SHROOM3: variants seen among roughly 807,000 people sequenced by gnomAD.
SHROOM3 encodes the protein shroom family member 3.
A neutral mutation model predicts 138.6 loss-of-function variants in SHROOM3; 47 were observed. The observed-to-expected ratio is 0.34, with a 90% CI of 0.27 to 0.43. The LOEUF (loss-of-function observed/expected upper bound fraction) is 0.43. Among genes scored for constraint, SHROOM3 ranks in the 20% least tolerant of loss-of-function variants. The pLI, the probability that SHROOM3 is intolerant of heterozygous loss-of-function variation, is 1.00. For missense variants in SHROOM3, 2,491 were observed against 2,596.5 expected (o/e 0.96, Z 0.88); for synonymous variants, 1,062 against 1,063.3 (o/e 1.00, Z 0.02).
intron 2 of SHROOM3, among the ~76,000 whole-genome samples, chr4:76,703,403 G>C (rs944160342): frequency 1.3e-5 from 2 of 152,190 alleles, no homozygotes; most frequent in Non-Finnish European, 2.9e-5. Context: ...ACAGGAACAA[G>C]GGGGCCTTTT....
intron 1 of SHROOM3, among the ~76,000 whole-genome samples, chr4:76,442,835 CTTTT>C (rs1730723371): frequency 6.6e-6 from 1 of 151,856 alleles, no homozygotes; most frequent in African/African-American, 2.4e-5. Context: ...TCCTCCTTTT[CTTTT>C]TATTATTCGT....
intron 2 of SHROOM3, among the ~76,000 whole-genome samples, chr4:76,659,489 G>T (rs1736138470): frequency 6.6e-6 from 1 of 152,240 alleles, no homozygotes; most frequent in Admixed American, 6.5e-5. Flanking sequence ...TTAGCCTACA[G>T]TTGTTGGCTC....
intron 2 of SHROOM3, among the ~76,000 whole-genome samples, chr4:76,651,576 C>T (rs193146612): frequency 2.0e-5 from 3 of 151,910 alleles, no homozygotes; most frequent in Admixed American, 2.0e-4. Flanking sequence ...GGGTTTCCTG[C>T]CACACTTGGA....
intron 2 of SHROOM3, among the ~76,000 whole-genome samples, chr4:76,646,577 C>G (rs532603650): frequency 6.6e-6 from 1 of 152,014 alleles, no homozygotes; most frequent in Non-Finnish European, 1.5e-5. Context: ...TCACATAACA[C>G]GGTACTTCAG....
intron 2 of SHROOM3, among the ~76,000 whole-genome samples, chr4:76,629,747 A>G (rs1196114203): frequency 6.6e-6 from 1 of 152,248 alleles, no homozygotes; most frequent in Non-Finnish European, 1.5e-5. Context: ...GTTGAGTACC[A>G]GGTGGCTGGA....
chr4:76,755,248 G>C, intron 7 of SHROOM3, 56 bp downstream of exon 7: 4 of 1,583,948 alleles, frequency 2.5e-6, no homozygotes, highest in East Asian at 2.3e-5. Flanking sequence ...TCATGCCCCA[G>C]GTGGCCCAGG....
chr4:76,633,895 GA>G (rs1335076627), intron 2 of SHROOM3, among the ~76,000 whole-genome samples: 2 of 152,152 alleles, frequency 1.3e-5, no homozygotes, highest in African/African-American at 4.8e-5. Flanking sequence ...GGAGACTCCG[GA>G]AAGGAAAAGC....
At chr4:76,744,945 A>G (rs1026966984) in intron 5 of SHROOM3, among the ~76,000 whole-genome samples, 6 of 152,224 alleles carry the variant, frequency 3.9e-5, no homozygotes, top group Admixed American at 6.5e-5. Flanking sequence ...CAATCGATCC[A>G]TCTCTGGCCT....
intron 4 of SHROOM3, among the ~76,000 whole-genome samples, chr4:76,738,086 TG>T (rs1560606955): frequency 6.6e-6 from 1 of 152,168 alleles, no homozygotes; most frequent in Non-Finnish European, 1.5e-5. Flanking sequence ...GAAGAGCCCC[TG>T]TGATTAAGCC....
intron 3 of SHROOM3, among the ~76,000 whole-genome samples, chr4:76,726,419 C>A (rs1397175125): frequency 2.0e-5 from 3 of 151,868 alleles, no homozygotes; most frequent in African/African-American, 4.8e-5. Flanking sequence ...TGCAGCCCAG[C>A]CCTCAGTCCT....
At chr4:76,454,986 T>A (rs1730998467) in intron 1 of SHROOM3, among the ~76,000 whole-genome samples, 1 of 152,206 alleles carries the variant, frequency 6.6e-6, no homozygotes. Flanking sequence ...AATTTTTGTG[T>A]GTTGATTTCG....
At chr4:76,542,878 G>C (rs745529846) in intron 1 of SHROOM3, among the ~76,000 whole-genome samples, 1 of 152,192 alleles carries the variant, frequency 6.6e-6, no homozygotes, top group Non-Finnish European at 1.5e-5. Context: ...GCTGTGCCTT[G>C]CTCCTTATAG....
intron 1 of SHROOM3, among the ~76,000 whole-genome samples, chr4:76,482,840 A>G (rs1731645764): frequency 6.6e-6 from 1 of 152,220 alleles, no homozygotes; most frequent in Non-Finnish European, 1.5e-5. Context: ...CTCAGAAGTA[A>G]TGCCACACAT....
At chr4:76,558,058 G>A (rs1411359084) in intron 2 of SHROOM3, among the ~76,000 whole-genome samples, 1 of 152,170 alleles carries the variant, frequency 6.6e-6, no homozygotes, top group Non-Finnish European at 1.5e-5. Flanking sequence ...GCATTGATCT[G>A]TTGGGTACTA....
intron 6 of SHROOM3, among the ~76,000 whole-genome samples, chr4:76,749,541 G>A (rs940774003): frequency 6.6e-6 from 1 of 152,224 alleles, no homozygotes; most frequent in Non-Finnish European, 1.5e-5. Flanking sequence ...CTCCTGTGTG[G>A]CTGATCTCAT....
In SHROOM3 at chr4:76,759,691, A is replaced by G. The variant is rs772694086; in HGVS notation, c.5345A>G (p.Lys1782Arg). The G allele has an allele frequency of 6.2e-7, 1 of 1,613,790 alleles. No individual in the cohort carries two copies. The highest frequency in any genetic ancestry group is 8.5e-7 in the Non-Finnish European group (1 of 1,179,858). ...EEEEQADVNE[K>R]KAELIGSLTH... ...GAGGAACAGGCAGATGTCAATGAAA[A>G]GAAGGTAAATAAAGAATGGGATGCC... The change falls in exon 9 of 11, where the codon AAG (lysine) becomes AGG (arginine). Residue 1782 changes from lysine to arginine, a missense_variant. Transcript: ENST00000296043.
intron 2 of SHROOM3, among the ~76,000 whole-genome samples, chr4:76,705,555 T>G (rs1217879041): frequency 6.6e-6 from 1 of 152,174 alleles, no homozygotes; most frequent in Non-Finnish European, 1.5e-5. Context: ...TCTGGAGTTA[T>G]GAATATTGGG....
chr4:76,678,207 G>A (rs1393764261), intron 2 of SHROOM3, among the ~76,000 whole-genome samples: 2 of 152,140 alleles, frequency 1.3e-5, no homozygotes, highest in East Asian at 1.9e-4. Context: ...CTGCTAACTA[G>A]CTAATGGAAA....
intron 1 of SHROOM3, among the ~76,000 whole-genome samples, chr4:76,502,344 T>C (rs1349659604): frequency 6.6e-6 from 1 of 152,166 alleles, no homozygotes; most frequent in Non-Finnish European, 1.5e-5. Flanking sequence ...AGCAAATTAA[T>C]CAAACCAAAG....
Sources: gnomAD v4.1 joint callset for allele counts (sites outside exome capture counted in the v4.1 genomes callset) on GRCh38, gnomAD v4.1.1 for gene constraint, MANE v1.5 for transcripts, NCBI Gene and HGNC (gene_info 2026-07-23, HGNC 2026-07-21) for gene names.